BRSK2: variants seen among roughly 807,000 people sequenced by gnomAD.
The protein encoded by BRSK2 is serine/threonine-protein kinase BRSK2.
Under a neutral mutation model 83.3 loss-of-function variants are expected in BRSK2, and 19 were observed. That is an observed-to-expected ratio of 0.23 (90% confidence interval 0.16 to 0.33). The LOEUF is 0.33. BRSK2 is among the 10% of genes least tolerant of loss of function. The pLI is 1.00. For missense variants in BRSK2, 798 were observed against 1,042.3 expected (o/e 0.77, Z 3.23); for synonymous variants, 519 against 435.4 (o/e 1.19, Z -2.39).
intron 12 of BRSK2, among the ~76,000 whole-genome samples, chr11:1,448,388 C>T (rs1285384929): frequency 6.6e-6 from 1 of 152,182 alleles, no homozygotes; most frequent in African/African-American, 2.4e-5. Context: ...AGCCCTGGCC[C>T]CGTGCCTACC....
chr11:1,461,485 C>T lies in BRSK2; in HGVS notation c.*762C>T, dbSNP rs1386151614. 4.4e-5 allele frequency: 9 copies of T among 205,396 alleles called. No individual in the cohort carries two copies. Among genetic ancestry groups the T allele is most frequent in the Admixed American group, 1.2e-4 (2 of 16,302 alleles). 12.7% of individuals were successfully genotyped at this position (205,396 alleles called of 1,614,324 possible). A position where few individuals can be genotyped will look rare whatever the true frequency, so the allele number is the denominator to read the frequency against. Reference sequence around the variant, plus strand: ...TCTGGCTGAGGTGGAAACAGAGACACCCTGCGGCACCAGAGCCTTCCCAGC... The same window carrying T: ...TCTGGCTGAGGTGGAAACAGAGACATCCTGCGGCACCAGAGCCTTCCCAGC... On this transcript the variant is annotated 3_prime_UTR_variant, in exon 20 of 20. Coordinates refer to ENST00000528841, the MANE Select transcript of BRSK2 (RefSeq NM_001256627.2).
In BRSK2 at chr11:1,456,659, C is replaced by T. The variant is rs772305366; in HGVS notation, c.1911C>T (p.His637=). 3.6e-5 allele frequency: 58 copies of T among 1,608,352 alleles called. No homozygotes were observed. The highest frequency in any genetic ancestry group is 1.7e-4 in the Middle Eastern group (1 of 5,998). The change falls in exon 18 of 20, where the codon CAC becomes CAT. Residue 637 remains histidine (H), a synonymous_variant. Coordinates refer to ENST00000528841, the MANE Select transcript of BRSK2 (RefSeq NM_001256627.2). ...TCCAGGCCCAGCTGCTGAGCACACA[C>T]GACCCGCCTGCGGCCCAGCACTTGT... The part of the protein sequence containing the change: ...ETIQAQLLST[H]DPPAAQHLSD...
intron 1 of BRSK2, among the ~76,000 whole-genome samples, chr11:1,433,174 T>C (rs1200688193): frequency 1.3e-5 from 2 of 152,268 alleles, no homozygotes; most frequent in East Asian, 3.8e-4. Flanking sequence ...ACAGCTGCCC[T>C]GTGCCCTTGG....
chr11:1,442,047 C>A (rs969954223), intron 4 of BRSK2, among the ~76,000 whole-genome samples: 2 of 136,596 alleles, frequency 1.5e-5, no homozygotes, highest in African/African-American at 5.6e-5. Flanking sequence ...CTTCCCTTTT[C>A]CCCCTGAGGA....
chr11:1,402,262 C>T (rs1846529373), intron 1 of BRSK2, among the ~76,000 whole-genome samples: 1 of 152,208 alleles, frequency 6.6e-6, no homozygotes, highest in African/African-American at 2.4e-5. Context: ...GGGTCTGATC[C>T]ATGTCCCCTG....
At chr11:1,458,895 C>T (rs1320340816) in intron 18 of BRSK2, among the ~76,000 whole-genome samples, 2 of 152,178 alleles carry the variant, frequency 1.3e-5, no homozygotes, top group Non-Finnish European at 2.9e-5. Flanking sequence ...CCACCCAGGG[C>T]ACCGGCCATA....
intron 1 of BRSK2, among the ~76,000 whole-genome samples, chr11:1,405,466 T>C (rs1346310388): frequency 2.0e-5 from 3 of 151,966 alleles, no homozygotes. Context: ...CACTGCATGA[T>C]AGTTGAGAAG....
In BRSK2 at chr11:1,447,700, C is replaced by T. The variant is rs147214098; in HGVS notation, c.1226+1793C>T. ...TCTTTGTGCAGCGGCCTCAGAGCCA[C>T]GTGGAGTTCTTACCCGGTGTGGCCC... is the stretch of plus-strand genomic sequence containing the variant. On this transcript the variant is annotated intron_variant, in intron 12 of 19. Coordinates refer to ENST00000528841, the MANE Select transcript of BRSK2 (RefSeq NM_001256627.2). 3,687 of 1,116,010 alleles carry T rather than the reference C, an allele frequency of 3.3e-3. 11 individuals carry two copies. Among genetic ancestry groups the T allele is most frequent in the Non-Finnish European group, 4.6e-3 (3,479 of 763,620 alleles). The allele number at this position is 1,116,010 out of a possible 1,614,324, so 69.1% of individuals were successfully genotyped here. A position where few individuals can be genotyped will look rare whatever the true frequency, so the allele number is the denominator to read the frequency against.
intron 1 of BRSK2, among the ~76,000 whole-genome samples, chr11:1,422,706 C>A (rs1449487096): frequency 5.3e-5 from 8 of 152,182 alleles, no homozygotes; most frequent in African/African-American, 1.7e-4. Flanking sequence ...ACCCCACAGG[C>A]AGGCAGGCCT....
At position 1,449,898 on chromosome 11, in the gene BRSK2, CGT is replaced by C. The variant is rs890305879; in HGVS notation, c.1287+66_1287+67del. ...CAGAGGCCCCAACCCTCCCAGTCAG[CGT>C]GTGCCAGGGTGGGGGCAGCCTCGCG... On this transcript the variant is annotated intron_variant, in intron 13 of 19. Coordinates refer to ENST00000528841, the MANE Select transcript of BRSK2 (RefSeq NM_001256627.2). 33 of 1,354,200 alleles carry C rather than the reference CGT, an allele frequency of 2.4e-5. No homozygotes were observed. In the African/African-American group the frequency reaches 3.7e-4, roughly 15 times the overall value. 83.9% of individuals were successfully genotyped at this position (1,354,200 alleles called of 1,614,324 possible). A position where few individuals can be genotyped will look rare whatever the true frequency, so the allele number is the denominator to read the frequency against.
At chr11:1,446,059 TG>T (rs1564858849) in intron 12 of BRSK2, 152 bp downstream of exon 12, 24 of 228,978 alleles carry the variant, frequency 1.0e-4, no homozygotes, top group Non-Finnish European at 1.6e-4. Context: ...TGGGCTGGGC[TG>T]GGCTGGGCTT....
In BRSK2 at chr11:1,443,566, C is replaced by G; in HGVS notation, c.711C>G (p.His237Gln). Residue 237 changes from histidine to glutamine, a missense_variant, in exon 8 of 20, where the codon CAC (histidine) becomes CAG (glutamine). His to Gln is a conservative substitution (Grantham distance 24). Around this residue, in one of 6 missense-constraint regions of BRSK2, gnomAD observed 145 missense variants for 225.4 expected, o/e 0.64. Transcript: ENST00000528841. ...AGCGGGGCGTGTTCCACATGCCGCACTTTATCCCGCCCGACTGCCAGAGTC... is the reference window on the plus strand; with the variant it reads ...AGCGGGGCGTGTTCCACATGCCGCAGTTTATCCCGCCCGACTGCCAGAGTC... ...KVKRGVFHMP[H>Q]FIPPDCQSLL... 1.2e-6 allele frequency: 2 copies of G among 1,610,724 alleles called. No individual in the cohort carries two copies. Among genetic ancestry groups the G allele is most frequent in the Non-Finnish European group, 1.7e-6 (2 of 1,178,910 alleles).
At chr11:1,441,111 T>C (rs1292463789) in intron 4 of BRSK2, among the ~76,000 whole-genome samples, 183 bp downstream of exon 4, 2 of 121,036 alleles carry the variant, frequency 1.7e-5, no homozygotes, top group Non-Finnish European at 3.3e-5. Flanking sequence ...GCCCCTCAAG[T>C]GCACTGTCCC....
At position 1,390,773 on chromosome 11, in the gene BRSK2, A is replaced by G. The variant is rs2133994402; in HGVS notation, c.91+398A>G. On this transcript the variant is annotated intron_variant, in intron 1 of 19. Transcript: ENST00000528841. The surrounding 1 kb of genome is among the most constrained non-coding windows in gnomAD (Gnocchi z 6.8). ...ATCTGCCGTCTGCCGCGGCCGCGCT[A>G]ATAGGCGTGCTGCCCGAGCAGCTGC... Among the ~76,000 whole-genome samples, 1 of 151,888 alleles carries G rather than the reference A, an allele frequency of 6.6e-6. No homozygotes were observed. The highest frequency in any genetic ancestry group is 1.5e-5 in the Non-Finnish European group (1 of 67,900).
At chr11:1,396,097 C>T (rs968733819) in intron 1 of BRSK2, among the ~76,000 whole-genome samples, 1 of 152,170 alleles carries the variant, frequency 6.6e-6, no homozygotes, top group African/African-American at 2.4e-5. Context: ...TGGCCAGGTC[C>T]CTTCCTTGCT....
rs573625590 is a variant in BRSK2 at position 1,451,031 on chromosome 11, C to T, written c.1495+237C>T. Among the ~76,000 whole-genome samples, 627 of 152,372 alleles carry T rather than the reference C, an allele frequency of 4.1e-3. 4 individuals carry two copies. Among genetic ancestry groups the T allele is most frequent in the Non-Finnish European group, 5.6e-3 (384 of 68,024 alleles). On this transcript the variant is annotated intron_variant, in intron 14 of 19. Coordinates refer to ENST00000528841, the MANE Select transcript of BRSK2 (RefSeq NM_001256627.2). ...GTTCCTGAGTCTACCCACTCTGTGT[C>T]CTGGGGCCAGGCACACAGCAAGGAG...
intron 15 of BRSK2, 73 bp downstream of exon 15, chr11:1,451,492 C>T (rs1259859097): frequency 2.0e-6 from 3 of 1,506,924 alleles, no homozygotes; most frequent in East Asian, 2.3e-5. Flanking sequence ...GGAACCCTTC[C>T]CCTATGGCCA....
chr11:1,451,474 A>G, intron 15 of BRSK2, 55 bp downstream of exon 15: 1 of 1,582,356 alleles, frequency 6.3e-7, no homozygotes, highest in Non-Finnish European at 8.7e-7. Context: ...TGGCCGGGAG[A>G]GGGGCATGGA....
chr11:1,460,453 C>G, intron 19 of BRSK2, 47 bp from the exon 20 acceptor site: 5 of 1,143,860 alleles, frequency 4.4e-6, no homozygotes, highest in East Asian at 3.5e-5. Flanking sequence ...CCTTTTTTTT[C>G]TTTTTTCCTT....
Sources: gnomAD v4.1 joint callset for allele counts (sites outside exome capture counted in the v4.1 genomes callset) on GRCh38, gnomAD v4.1.1 for gene constraint, gnomAD v4.1.1 regional missense constraint, Gnocchi (gnomAD v3.1) non-coding constraint, MANE v1.5 for transcripts, NCBI Gene and HGNC (gene_info 2026-07-23, HGNC 2026-07-21) for gene names.